The following MRPS22 variants were observed in gnomAD, a reference collection of about 807,000 sequenced individuals.
MRPS22 encodes mitochondrial ribosomal protein S22, also known as small ribosomal subunit protein mS22.
A neutral mutation model predicts 44.0 loss-of-function variants in MRPS22; 30 were observed. That is an observed-to-expected ratio of 0.68 (90% CI 0.51 to 0.93). The LOEUF is 0.93. Among genes scored for constraint, MRPS22 ranks in the 40% least tolerant of loss-of-function variants. The pLI, the probability that MRPS22 is intolerant of heterozygous loss-of-function variation, is 0.00. For synonymous variants in MRPS22, 165 were observed against 154.4 expected (o/e 1.07, Z -0.51); for missense variants, 447 against 447.8 (o/e 1.00, Z 0.02).
chr3:139,346,737 T>C (rs917438060), intron 1 of MRPS22, 141 bp from the exon 2 acceptor site: 12 of 756,984 alleles, frequency 1.6e-5, no homozygotes, highest in Non-Finnish European at 2.7e-5. Context: ...AATAAATGAA[T>C]GCATCTCATA....
chr3:139,353,821 C>G (rs1941195654), intron 6 of MRPS22, among the ~76,000 whole-genome samples: 1 of 152,124 alleles, frequency 6.6e-6, no homozygotes, highest in Admixed American at 6.5e-5. Flanking sequence ...AGTGACTTGT[C>G]TTTATGTACG....
intron 4 of MRPS22, 30 bp from the exon 5 acceptor site, chr3:139,350,947 T>C (rs1560007260): frequency 1.9e-6 from 3 of 1,586,334 alleles, no homozygotes; most frequent in Non-Finnish European, 2.6e-6. Context: ...AGTGTTCTCA[T>C]GTGATGCTAA....
intron 1 of MRPS22, chr3:139,344,781 TTTC>T: frequency 1.6e-6 from 1 of 631,622 alleles, no homozygotes; most frequent in Admixed American, 2.7e-5. Context: ...ATTAAGATTG[TTTC>T]TTAAGTTTTT....
intron 7 of MRPS22, 133 bp from the exon 8 acceptor site, chr3:139,356,786 T>C (rs1167379560): frequency 1.4e-5 from 9 of 661,050 alleles, no homozygotes; most frequent in South Asian, 1.9e-5. Flanking sequence ...GGGGGAAAAA[T>C]TGTGAAATCT....
intron 7 of MRPS22, 50 bp from the exon 8 acceptor site, chr3:139,356,869 T>C (rs1443238160): frequency 1.5e-6 from 2 of 1,347,840 alleles, no homozygotes; most frequent in East Asian, 2.3e-5. Flanking sequence ...AAAAACTTTA[T>C]AAATAGCATA....
At chr3:139,344,873 G>A (rs1172565356) in intron 1 of MRPS22, among the ~76,000 whole-genome samples, 1 of 152,170 alleles carries the variant, frequency 6.6e-6, no homozygotes, top group Non-Finnish European at 1.5e-5. Flanking sequence ...TTTGGGGGCG[G>A]GGGTAGTGCA....
intron 3 of MRPS22, among the ~76,000 whole-genome samples, 200 bp from the exon 4 acceptor site, chr3:139,349,979 G>A (rs1332744370): frequency 6.6e-6 from 1 of 152,144 alleles, no homozygotes; most frequent in Non-Finnish European, 1.5e-5. Context: ...ATTTCTGATT[G>A]TCAGATGCAC....
chr3:139,349,441 A>G (rs931924333), intron 3 of MRPS22: 4 of 343,244 alleles, frequency 1.2e-5, no homozygotes, highest in Non-Finnish European at 2.3e-5. Flanking sequence ...TCAGGTGTGT[A>G]TCAATTATCA....
rs1576360521 is a variant in MRPS22 at position 139,344,719 on chromosome 3, G to A, written c.172+521G>A. On this transcript the variant is annotated intron_variant, in intron 1 of 7. Coordinates refer to ENST00000680020, the MANE Select transcript of MRPS22 (RefSeq NM_020191.4). Reference sequence around the variant, plus strand: ...AGATATTTGGGAACCCATTTTGGAGGTAGGATTGATAAGGCTTGATTAAGG... The same window carrying A: ...AGATATTTGGGAACCCATTTTGGAGATAGGATTGATAAGGCTTGATTAAGG... 6.6e-5 allele frequency: 46 copies of A among 700,246 alleles called. No individual in the cohort carries two copies. The East Asian group carries it at 1.2e-3, about 18-fold the overall frequency. 43.4% of individuals were successfully genotyped at this position (700,246 alleles called of 1,614,324 possible).
At chr3:139,351,373 AATT>A in intron 5 of MRPS22, 1 of 373,270 alleles carries the variant, frequency 2.7e-6, no homozygotes, top group Non-Finnish European at 5.2e-6. Flanking sequence ...ATAGGAATCA[AATT>A]ATTTACTAAA....
intron 4 of MRPS22, chr3:139,350,596 T>C (rs1941128261): frequency 2.3e-6 from 1 of 438,982 alleles, no homozygotes; most frequent in Non-Finnish European, 4.2e-6. Context: ...CTTGGCTAAT[T>C]TTTGTATTTT....
chr3:139,349,107 T>C (rs1049835517), intron 3 of MRPS22: 1 of 344,666 alleles, frequency 2.9e-6, no homozygotes, highest in Non-Finnish European at 5.7e-6. Context: ...ATCTGTATAT[T>C]TGACATAATG....
intron 3 of MRPS22, among the ~76,000 whole-genome samples, chr3:139,349,828 G>A (rs918629916): frequency 6.6e-6 from 1 of 152,206 alleles, no homozygotes; most frequent in Non-Finnish European, 1.5e-5. Flanking sequence ...GTTTAGATGA[G>A]ACTTTGGGAT....
chr3:139,357,072 T>C lies in MRPS22; in HGVS notation c.*58T>C. 2.9e-6 allele frequency: 4 copies of C among 1,365,768 alleles called. No homozygotes were observed. The highest frequency in any genetic ancestry group is 4.1e-6 in the Non-Finnish European group (4 of 972,182). 84.6% of individuals were successfully genotyped at this position (1,365,768 alleles called of 1,614,324 possible). The stretch of plus-strand genomic sequence containing the variant: ...TACTGACTACATTTCTCTGTTAATA[T>C]TGAGCTAAATGTTAAAAAATGGCCA... On this transcript the variant is annotated 3_prime_UTR_variant, in exon 8 of 8. Transcript: ENST00000680020.
At chr3:139,355,657 T>G (rs770583808) in intron 6 of MRPS22, 25 bp from the exon 7 acceptor site, 33 of 1,575,774 alleles carry the variant, frequency 2.1e-5, no homozygotes, top group Non-Finnish European at 2.4e-5. Context: ...AACCCCTAGA[T>G]AACATTAAAC....
intron 2 of MRPS22, among the ~76,000 whole-genome samples, chr3:139,347,327 C>G (rs1941058684): frequency 6.6e-6 from 1 of 152,090 alleles, no homozygotes; most frequent in Non-Finnish European, 1.5e-5. Flanking sequence ...TCTGCCTGCT[C>G]CAGCTTCCTT....
chr3:139,344,015 C>T, upstream of MRPS22: 1 of 1,614,192 alleles, frequency 6.2e-7, no homozygotes, highest in Non-Finnish European at 8.5e-7. Flanking sequence ...GCGCAAGTGG[C>T]TTCTGATAAT....
intron 5 of MRPS22, 134 bp from the exon 6 acceptor site, chr3:139,352,513 A>G: frequency 1.4e-6 from 1 of 729,120 alleles, no homozygotes; most frequent in South Asian, 1.5e-5. Context: ...CCAATTGGTT[A>G]ATGATATGGA....
At position 139,348,725 on chromosome 3, in the gene MRPS22, A is replaced by G. The variant is rs949275649; in HGVS notation, c.504+401A>G. On this transcript the variant is annotated intron_variant, in intron 3 of 7. Coordinates refer to ENST00000680020, the MANE Select transcript of MRPS22 (RefSeq NM_020191.4). ...GAAGATAGAATGTTTCTGTCTTATA[A>G]ATTCCTTGATGATGCCAAGAAACTC... 7.2e-5 allele frequency among the ~76,000 whole-genome samples: 11 copies of G among 152,344 alleles called. No homozygotes were observed. In the East Asian group the frequency reaches 2.1e-3, roughly 29 times the overall value.
Sources: gnomAD v4.1 joint callset for allele counts (sites outside exome capture counted in the v4.1 genomes callset) on GRCh38, gnomAD v4.1.1 for gene constraint, MANE v1.5 for transcripts, NCBI Gene and HGNC (gene_info 2026-07-23, HGNC 2026-07-21) for gene names.